The following TLN2 variants were observed in gnomAD, a reference collection of about 807,000 sequenced individuals.
TLN2 encodes talin-2.
Under a neutral mutation model 294.7 loss-of-function variants are expected in TLN2, and 118 were observed. The ratio of observed to expected loss-of-function variants is 0.40; its 90% confidence interval spans 0.34 to 0.47. The LOEUF is 0.47. TLN2 is among the 20% of genes least tolerant of loss of function. The probability of loss-of-function intolerance (pLI) is 0.84; values close to 1 mark genes in which losing one functional copy is unlikely to be tolerated. For synonymous variants in TLN2, 1,431 were observed against 1,304.5 expected (o/e 1.10, Z -2.09); for missense variants, 3,083 against 3,282.2 (o/e 0.94, Z 1.48).
At chr15:62,543,484 G>C (rs1424308903) in intron 1 of TLN2, among the ~76,000 whole-genome samples, 1 of 152,004 alleles carries the variant, frequency 6.6e-6, no homozygotes, top group Non-Finnish European at 1.5e-5. Flanking sequence ...TAGGCCAGAC[G>C]CGCTGGCTCA....
At chr15:62,816,023 A>G (rs980846646) in intron 52 of TLN2, among the ~76,000 whole-genome samples, 5 of 152,206 alleles carry the variant, frequency 3.3e-5, no homozygotes, top group Non-Finnish European at 7.3e-5. Flanking sequence ...ACATCAGCAC[A>G]GACACACAGG....
At position 62,703,023 on chromosome 15, in the gene TLN2, C is replaced by CA. The variant is rs542140677; in HGVS notation, c.2004+164dup. On this transcript the variant is annotated intron_variant, in intron 19 of 58. Transcript: ENST00000636159. ...TGGGAGTGAGGTCTTTTTGTGTTAC[C>CA]AAAAAGATTTTTTTTAATAGGAAAA... Among the ~76,000 whole-genome samples the CA allele has an allele frequency of 2.1e-3, 323 of 151,888 alleles. 2 individuals are homozygous for CA. The highest frequency in any genetic ancestry group is 7.6e-3 in the African/African-American group (314 of 41,436).
At chr15:62,750,333 C>G (rs2061857187) in intron 33 of TLN2, 69 bp from the exon 34 acceptor site, 1 of 1,248,698 alleles carries the variant, frequency 8.0e-7, no homozygotes, top group Non-Finnish European at 1.2e-6. Flanking sequence ...TGATAGTTGG[C>G]AGTTGATGTT....
intron 1 of TLN2, among the ~76,000 whole-genome samples, chr15:62,493,845 A>C (rs752787449): frequency 3.3e-5 from 5 of 152,106 alleles, no homozygotes; most frequent in Non-Finnish European, 7.4e-5. Flanking sequence ...TCCTGACCTC[A>C]GGTGATCCAC....
intron 54 of TLN2, chr15:62,832,247 A>T (rs1027414669): frequency 1.3e-5 from 2 of 151,984 alleles, no homozygotes; most frequent in African/African-American, 4.8e-5. Flanking sequence ...TGAATTGTAC[A>T]CTTAAAATTG....
chr15:62,638,150 C>A, intron 3 of TLN2: 1 of 168,044 alleles, frequency 6.0e-6, no homozygotes, highest in Admixed American at 5.8e-5. Flanking sequence ...GCTCCCCTCT[C>A]TTTCAGGCGG....
At chr15:62,471,923 G>A (rs567864877) in intron 1 of TLN2, among the ~76,000 whole-genome samples, 2 of 152,262 alleles carry the variant, frequency 1.3e-5, no homozygotes, top group Admixed American at 6.5e-5. Context: ...TCTTTCTTGC[G>A]CCTTTCTGCC....
At position 62,766,435 on chromosome 15, in the gene TLN2, G is replaced by T. The variant is rs756735673; in HGVS notation, c.5196+13G>T. 1.9e-6 allele frequency: 3 copies of T among 1,597,598 alleles called. No individual in the cohort carries two copies. The highest frequency in any genetic ancestry group is 1.7e-5 in the Admixed American group (1 of 59,782). On this transcript the variant is annotated intron_variant, in intron 41 of 58. Coordinates refer to ENST00000636159, the MANE Select transcript of TLN2 (RefSeq NM_015059.3). ...GCTGGGACATAAGGTAATGCACACC[G>T]AGGGGATCCTGCGAGGGTGTGCGTG...
intron 32 of TLN2, among the ~76,000 whole-genome samples, chr15:62,745,259 C>A (rs2061550083): frequency 6.6e-6 from 1 of 151,984 alleles, no homozygotes; most frequent in South Asian, 2.1e-4. Context: ...TGTAAGGTAG[C>A]ATTATGGTTA....
At chr15:62,489,150 G>A (rs992633148) in intron 1 of TLN2, among the ~76,000 whole-genome samples, 2 of 152,186 alleles carry the variant, frequency 1.3e-5, no homozygotes, top group African/African-American at 4.8e-5. Flanking sequence ...GACAGAGCAA[G>A]ACTCCGTCTC....
chr15:62,412,811 G>A (rs1487013947), intron 1 of TLN2, among the ~76,000 whole-genome samples: 1 of 152,308 alleles, frequency 6.6e-6, no homozygotes, highest in African/African-American at 2.4e-5. Context: ...CTTGCCAAAT[G>A]GCTTGAAATA....
At chr15:62,564,215 A>G (rs892780785) in intron 1 of TLN2, among the ~76,000 whole-genome samples, 20 of 152,306 alleles carry the variant, frequency 1.3e-4, no homozygotes, top group Non-Finnish European at 2.6e-4. Context: ...AGGAGGCAGG[A>G]TGGTGCCTCA....
intron 25 of TLN2, among the ~76,000 whole-genome samples, chr15:62,720,431 C>T (rs1043319589): frequency 2.0e-5 from 3 of 152,170 alleles, no homozygotes; most frequent in African/African-American, 7.2e-5. Context: ...AATCTCTCTA[C>T]TTTATCAGCA....
chr15:62,567,744 A>G (rs1387508075), intron 1 of TLN2, among the ~76,000 whole-genome samples: 1 of 152,004 alleles, frequency 6.6e-6, no homozygotes, highest in Non-Finnish European at 1.5e-5. Context: ...GGGGTTGAGG[A>G]AGGAGAATTG....
chr15:62,683,431 T>C (rs930004302), intron 11 of TLN2, among the ~76,000 whole-genome samples: 4 of 149,096 alleles, frequency 2.7e-5, no homozygotes, highest in Non-Finnish European at 4.5e-5. Flanking sequence ...ATGCCTGCAT[T>C]CTCCCGCCTC....
chr15:62,503,822 G>A (rs1433209929), intron 1 of TLN2, among the ~76,000 whole-genome samples: 2 of 152,328 alleles, frequency 1.3e-5, no homozygotes, highest in South Asian at 2.1e-4. Flanking sequence ...GCTTCTGGGA[G>A]CAGGTCCTGG....
chr15:62,408,231 A>G (rs1335081135), intron 1 of TLN2, among the ~76,000 whole-genome samples: 4 of 152,232 alleles, frequency 2.6e-5, no homozygotes, highest in African/African-American at 9.6e-5. Context: ...CCTTATCAAA[A>G]CAAGGCAAGA....
rs770464998 is a variant in TLN2, at chr15:62,702,760, T to C, written c.1906-6T>C. 1 of 1,614,058 alleles carries C rather than the reference T, an allele frequency of 6.2e-7. No individual in the cohort carries two copies. The highest frequency in any genetic ancestry group is 1.7e-5 in the Admixed American group (1 of 60,024). On this transcript the variant is annotated splice_region_variant and splice_polypyrimidine_tract_variant and intron_variant, in intron 18 of 58. Coordinates refer to ENST00000636159, the MANE Select transcript of TLN2 (RefSeq NM_015059.3). ...TTTCCAATTAAGGTGTGTTGTTTGT[T>C]CACAGCCTCGACAGACAGTTTTGAC...
intron 1 of TLN2, among the ~76,000 whole-genome samples, chr15:62,401,054 G>A (rs2032985776): frequency 6.6e-6 from 1 of 152,078 alleles, no homozygotes; most frequent in Non-Finnish European, 1.5e-5. Flanking sequence ...GAGCTCAAGT[G>A]ATCTGCCTTC....
Sources: allele counts gnomAD v4.1 joint callset (sites outside exome capture counted in the v4.1 genomes callset), GRCh38; gene constraint gnomAD v4.1.1; transcripts MANE v1.5; gene names NCBI Gene and HGNC (gene_info 2026-07-23, HGNC 2026-07-21).